The following KNTC1 variants were observed in gnomAD, a reference collection of about 807,000 sequenced individuals.
KNTC1 encodes kinetochore-associated protein 1.
KNTC1 carries 253 observed loss-of-function variants against 314.4 expected under a neutral mutation model. That is an observed-to-expected ratio of 0.80 (90% CI 0.73 to 0.89). KNTC1 has a LOEUF of 0.89. Ranked by LOEUF, KNTC1 falls within the 40% of genes least tolerant of loss-of-function variation. The probability of loss-of-function intolerance (pLI) is 0.00; values close to 1 mark genes in which losing one functional copy is unlikely to be tolerated. For synonymous variants in KNTC1, 901 were observed against 901.4 expected (o/e 1.00, Z 0.01); for missense variants, 2,475 against 2,572.9 (o/e 0.96, Z 0.82).
In KNTC1 at chr12:122,597,840, C is replaced by T. The variant is rs201757501; in HGVS notation, c.4465C>T (p.Arg1489Trp). ...AGATGCAAGCATGGACTCTGCAAAGCGGCGGCATCCCAAACTCCTGGCCAA... is the reference window on the plus strand; with the variant it reads ...AGATGCAAGCATGGACTCTGCAAAGTGGCGGCATCCCAAACTCCTGGCCAA... Reference protein sequence around the residue: ...QGDASMDSAKRRHPKLLAKAL... With the variant: ...QGDASMDSAKWRHPKLLAKAL... Residue 1489 changes from arginine to tryptophan, a missense_variant, in exon 44 of 64, where the codon CGG becomes TGG. Coordinates refer to ENST00000333479, the MANE Select transcript of KNTC1 (RefSeq NM_014708.6). 264 of 1,613,908 alleles carry T rather than the reference C, an allele frequency of 1.6e-4. No individual in the cohort carries two copies. In the Admixed American group the frequency reaches 1.7e-3, roughly 10 times the overall value.
chr12:122,575,354 T>C (rs1964943233), intron 27 of KNTC1, among the ~76,000 whole-genome samples, 189 bp from the exon 28 acceptor site: 1 of 152,210 alleles, frequency 6.6e-6, no homozygotes, highest in Non-Finnish European at 1.5e-5. Flanking sequence ...CTCTTCTGAA[T>C]TTTTCTGAAT....
In KNTC1 at chr12:122,576,935, C is replaced by G. The variant is rs1965069299; in HGVS notation, c.2627C>G (p.Ser876Cys). The G allele has an allele frequency of 1.3e-6, 2 of 1,597,710 alleles. No individual in the cohort carries two copies. Among genetic ancestry groups the G allele is most frequent in the Middle Eastern group, 1.7e-4 (1 of 5,992 alleles). The change falls in exon 30 of 64, where the codon TCT (serine) becomes TGT (cysteine). Residue 876 changes from serine (S) to cysteine (C), a missense_variant. Physicochemically the swap from Ser to Cys is moderately radical, Grantham distance 112. Coordinates refer to ENST00000333479, the MANE Select transcript of KNTC1 (RefSeq NM_014708.6). ...RYILKQDVPS[S>C]LEDALKVAQA... ...ATTCTCAAACAAGATGTCCCATCTTCTTTAGAAGATGCTTTAAAGGTAGCC... is the reference window on the plus strand; with the variant it reads ...ATTCTCAAACAAGATGTCCCATCTTGTTTAGAAGATGCTTTAAAGGTAGCC...
chr12:122,602,353 A>G (rs915603741), intron 45 of KNTC1: 2 of 387,242 alleles, frequency 5.2e-6, no homozygotes, highest in Non-Finnish European at 9.1e-6. Context: ...ACAGGGCACC[A>G]GTGGTTTCTC....
chr12:122,585,572 C>G (rs1869143265), intron 36 of KNTC1, 64 bp from the exon 37 acceptor site: 3 of 1,551,262 alleles, frequency 1.9e-6, no homozygotes, highest in Non-Finnish European at 2.6e-6. Context: ...AGCCATAGAC[C>G]AGAAGAAACA....
chr12:122,546,780 T>C, intron 10 of KNTC1, 106 bp downstream of exon 10: 1 of 639,570 alleles, frequency 1.6e-6, no homozygotes, highest in Non-Finnish European at 2.6e-6. Flanking sequence ...AACTATCTTG[T>C]GTACTGTGCT....
At chr12:122,591,286 A>T in intron 41 of KNTC1, 51 bp from the exon 42 acceptor site, 1 of 918,978 alleles carries the variant, frequency 1.1e-6, no homozygotes, top group Non-Finnish European at 1.8e-6. Context: ...AAGGTGTTAT[A>T]AGAATACATT....
chr12:122,546,203 T>C lies in KNTC1; in HGVS notation c.697T>C (p.Trp233Arg), dbSNP rs759182891. 6 of 1,609,688 alleles carry C rather than the reference T, an allele frequency of 3.7e-6. No individual in the cohort carries two copies. Among genetic ancestry groups the C allele is most frequent in the Admixed American group, 3.3e-5 (2 of 59,980 alleles). Residue 233 changes from tryptophan to arginine, a missense_variant, in exon 9 of 64, where the codon TGG becomes CGG. Coordinates refer to ENST00000333479, the MANE Select transcript of KNTC1 (RefSeq NM_014708.6). ...AACCGGTAATTGTGCATTCTCAAAA[T>C]GGGAACCAGATTCTTCCAAGAAAGG... ...GGTGNCAFSK[W>R]EPDSSKKGMT...
chr12:122,575,920 G>C (rs752132826), intron 29 of KNTC1, 21 bp downstream of exon 29: 10 of 1,571,766 alleles, frequency 6.4e-6, no homozygotes, highest in South Asian at 1.2e-5. Flanking sequence ...TCTTCGAAGA[G>C]TCTTTTTTCT....
chr12:122,624,779 A>G (rs1162336544), intron 63 of KNTC1, 91 bp downstream of exon 63: 1 of 887,828 alleles, frequency 1.1e-6, no homozygotes, highest in Non-Finnish European at 1.9e-6. Flanking sequence ...AGTGTTCTGG[A>G]GATAAATGTA....
chr12:122,567,220 G>T (rs928497489), intron 20 of KNTC1, among the ~76,000 whole-genome samples: 1 of 151,842 alleles, frequency 6.6e-6, no homozygotes, highest in Non-Finnish European at 1.5e-5. Flanking sequence ...ACAGGCACCT[G>T]CCACCACACC....
chr12:122,608,095 G>A (rs1872729915), intron 51 of KNTC1, among the ~76,000 whole-genome samples: 4 of 152,136 alleles, frequency 2.6e-5, no homozygotes, highest in Admixed American at 2.6e-4. Flanking sequence ...TAAACAAATA[G>A]TGTAATATGA....
Position 122,590,733 on chromosome 12 carries a change from T to G in KNTC1, c.4126T>G (p.Leu1376Val), listed in dbSNP as rs767558368. The change falls in exon 41 of 64, where the codon TTG (leucine) becomes GTG (valine). Residue 1376 changes from leucine to valine, a missense_variant and splice_region_variant. Coordinates refer to ENST00000333479, the MANE Select transcript of KNTC1 (RefSeq NM_014708.6). ...AGCATGGCAGAATTACGACAAAATC[T>G]TGGTATGTCCTAAGGAAGCACACCT... Reference protein sequence around the residue: ...DKAWQNYDKILAISLVGSELA... With the variant: ...DKAWQNYDKIVAISLVGSELA... 2.5e-6 allele frequency: 4 copies of G among 1,612,838 alleles called. No individual in the cohort carries two copies. In the Admixed American group the frequency reaches 6.7e-5, roughly 27 times the overall value.
At position 122,610,900 on chromosome 12, in the gene KNTC1, C is replaced by T. The variant is rs1463735348; in HGVS notation, c.5622C>T (p.Thr1874=). 1.4e-5 allele frequency: 23 copies of T among 1,606,252 alleles called. No individual in the cohort carries two copies. Among genetic ancestry groups the T allele is most frequent in the East Asian group, 8.9e-5 (4 of 44,848 alleles). Residue 1874 remains threonine, a splice_region_variant and synonymous_variant, in exon 53 of 64, where the codon ACC becomes ACT. Coordinates refer to ENST00000333479, the MANE Select transcript of KNTC1 (RefSeq NM_014708.6). ...MLFVFATSTT[T]TLGMHQLTFA... is the part of the protein sequence containing the mutation. ...TTGTATTTGCAACATCAACTACAAC[C>T]GTAAGCTCTAGAAACTTAATCCAAA... is the stretch of plus-strand genomic sequence containing the variant.
intron 34 of KNTC1, 30 bp from the exon 35 acceptor site, chr12:122,584,248 C>G (rs762099775): frequency 6.5e-7 from 1 of 1,545,740 alleles, no homozygotes; most frequent in Non-Finnish European, 8.9e-7. Context: ...TGTGAGTATT[C>G]TAACTACCAA....
intron 53 of KNTC1, 109 bp downstream of exon 53, chr12:122,611,009 C>A (rs1593678022): frequency 1.3e-6 from 1 of 767,318 alleles, no homozygotes; most frequent in Non-Finnish European, 2.3e-6. Flanking sequence ...AGATAATGCT[C>A]ACGTACATAT....
At position 122,596,731 on chromosome 12, in the gene KNTC1, A is replaced by G. The variant is rs569235792; in HGVS notation, c.4356-1000A>G. Among the ~76,000 whole-genome samples, 4 of 152,004 alleles carry G rather than the reference A, an allele frequency of 2.6e-5. 1 individual carries two copies. In the South Asian group the frequency reaches 8.3e-4, roughly 32 times the overall value. ...GTGGCGCATGCTTGTAGTTCCAGCT[A>G]CTTGAGAGGTTGAGGTGGGAGGATT... On this transcript the variant is annotated intron_variant, in intron 43 of 63. Coordinates refer to ENST00000333479, the MANE Select transcript of KNTC1 (RefSeq NM_014708.6).
intron 16 of KNTC1, among the ~76,000 whole-genome samples, chr12:122,556,914 C>T (rs1963637084): frequency 7.6e-6 from 1 of 131,064 alleles, no homozygotes; most frequent in Non-Finnish European, 1.6e-5. Context: ...ACAAATTTTC[C>T]CTCTTTTTTT....
intron 52 of KNTC1, 132 bp from the exon 53 acceptor site, chr12:122,610,690 C>A (rs1449342097): frequency 4.8e-6 from 3 of 620,074 alleles, no homozygotes; most frequent in Middle Eastern, 3.0e-4. Flanking sequence ...GCGCAAATGT[C>A]ATTGACCCAT....
At chr12:122,565,952 C>CT (rs527446641) in intron 20 of KNTC1, among the ~76,000 whole-genome samples, 33,251 of 128,218 alleles carry the variant, frequency 0.26, 4,934 homozygotes, top group East Asian at 0.45. Flanking sequence ...ACGTTTCAAT[C>CT]TTTTTTTTTT....
Sources: gnomAD v4.1 joint callset for allele counts (sites outside exome capture counted in the v4.1 genomes callset) on GRCh38, gnomAD v4.1.1 for gene constraint, MANE v1.5 for transcripts, NCBI Gene and HGNC (gene_info 2026-07-23, HGNC 2026-07-21) for gene names.